The following ENOX2 variants were observed in gnomAD, a reference collection of about 807,000 sequenced individuals.
ENOX2 encodes APK1 antigen.
Under a neutral mutation model 45.0 loss-of-function variants are expected in ENOX2, and 36 were observed. That is an observed-to-expected ratio of 0.80 (90% confidence interval 0.61 to 1.06). The LOEUF is 1.06. Ranked by LOEUF, ENOX2 falls within the 50% of genes least tolerant of loss-of-function variation. The pLI, the probability that ENOX2 is intolerant of heterozygous loss-of-function variation, is 0.00. For synonymous variants in ENOX2, 174 were observed against 152.3 expected, an observed-to-expected ratio of 1.14 and a Z score of -1.05; for missense variants, 423 against 462.5, an observed-to-expected ratio of 0.91 and a Z score of 0.78.
intron 2 of ENOX2, among the ~76,000 whole-genome samples, chrX:130,821,742 T>TAAAAAAAAAAAAAAAAAAAAAAAAA: frequency 8.6e-5 from 2 of 23,185 alleles, no homozygotes; most frequent in African/African-American, 1.8e-4. Flanking sequence ...ATAAATAAAT[T>TAAAAAAAAAAAAAAAAAAAAAAAAA]AAAAAAAAAA....
chrX:130,783,222 C>G (rs2076921102), intron 3 of ENOX2, among the ~76,000 whole-genome samples: 1 of 112,203 alleles, frequency 8.9e-6, no homozygotes, highest in Admixed American at 9.4e-5. Context: ...CTTCAAGGAT[C>G]AGCTAAAAAT....
In ENOX2 at chrX:130,691,980, C is replaced by G. The variant is rs182593561; in HGVS notation, c.98-2962G>C. Among the ~76,000 whole-genome samples the G allele has an allele frequency of 1.5e-3, 165 of 113,250 alleles. 2 individuals carry two copies. Among genetic ancestry groups the G allele is most frequent in the Middle Eastern group, 0.014 (3 of 219 alleles). ...TTTTATAAATTCATTTAAAAGCAAA[C>G]GTATTCATTGCATATGGCTAAAGCC... On this transcript the variant is annotated intron_variant, in intron 4 of 14. Coordinates refer to ENST00000394363, the MANE Select transcript of ENOX2 (RefSeq NM_006375.4).
At chrX:130,849,394 T>C (rs1287254757) in intron 2 of ENOX2, among the ~76,000 whole-genome samples, 1 of 111,602 alleles carries the variant, frequency 9.0e-6, no homozygotes, top group African/African-American at 3.3e-5. Context: ...GGGGAGACTA[T>C]GAGAATAGAA....
chrX:130,741,942 T>C (rs1438583286), intron 3 of ENOX2, among the ~76,000 whole-genome samples: 1 of 112,453 alleles, frequency 8.9e-6, no homozygotes, highest in Non-Finnish European at 1.9e-5. Flanking sequence ...TCAAGTGTTT[T>C]CAAATAGCAT....
intron 3 of ENOX2, among the ~76,000 whole-genome samples, chrX:130,752,555 C>T (rs970864281): frequency 5.4e-5 from 6 of 110,612 alleles, no homozygotes; most frequent in Admixed American, 3.8e-4. Flanking sequence ...TGTCTCTCTC[C>T]GGTTCTACCT....
At chrX:130,659,354 G>C (rs1475013409) in intron 9 of ENOX2, among the ~76,000 whole-genome samples, 2 of 111,775 alleles carry the variant, frequency 1.8e-5, no homozygotes, top group Non-Finnish European at 3.8e-5. Flanking sequence ...ATCACTGATA[G>C]TTAAGAATAG....
At chrX:130,754,479 A>T (rs1385458138) in intron 3 of ENOX2, among the ~76,000 whole-genome samples, 1 of 112,007 alleles carries the variant, frequency 8.9e-6, no homozygotes, top group East Asian at 2.8e-4. Flanking sequence ...AAGACATAGA[A>T]TCAACCCAGG....
At chrX:130,684,975 A>G (rs2037408447) in intron 5 of ENOX2, among the ~76,000 whole-genome samples, 1 of 111,685 alleles carries the variant, frequency 9.0e-6, no homozygotes, top group South Asian at 3.8e-4. Context: ...AAAAAAAGAA[A>G]CATGTTTTAT....
intron 6 of ENOX2, among the ~76,000 whole-genome samples, chrX:130,678,978 G>C (rs939730661): frequency 2.7e-5 from 3 of 111,602 alleles, no homozygotes; most frequent in East Asian, 2.8e-4. Flanking sequence ...ACGTTCTGGT[G>C]GGGGAGATGG....
chrX:130,900,360 A>G (rs1242747726), intron 2 of ENOX2, among the ~76,000 whole-genome samples: 1 of 112,505 alleles, frequency 8.9e-6, no homozygotes, highest in African/African-American at 3.2e-5. Context: ...TGAACATGTA[A>G]CTAGTAAAAT....
At chrX:130,870,074 G>A (rs766479215) in intron 2 of ENOX2, among the ~76,000 whole-genome samples, 1 of 111,205 alleles carries the variant, frequency 9.0e-6, no homozygotes, top group African/African-American at 3.3e-5. Flanking sequence ...ACATCCCTTT[G>A]GCAGATAGTC....
chrX:130,879,949 T>C (rs1332042075), intron 2 of ENOX2, among the ~76,000 whole-genome samples: 1 of 111,910 alleles, frequency 8.9e-6, no homozygotes, highest in East Asian at 2.8e-4. Flanking sequence ...CTCAAAACTG[T>C]AGCTGCGATA....
chrX:130,788,899 C>T lies in ENOX2; in HGVS notation c.-182-5209G>A, dbSNP rs138391125. On this transcript the variant is annotated intron_variant, in intron 2 of 14. Transcript: ENST00000394363. ...ACAGATTTCTACTATTTCTGTATCT[C>T]ATGTTCACAATAAACAAATCCATGT... is the stretch of plus-strand genomic sequence containing the variant. Among the ~76,000 whole-genome samples the T allele has an allele frequency of 8.6e-3, 970 of 112,292 alleles. 10 individuals carry two copies. The highest frequency in any genetic ancestry group is 0.029 in the African/African-American group (910 of 30,944).
chrX:130,655,023 C>T (rs1410972011), intron 10 of ENOX2, among the ~76,000 whole-genome samples: 1 of 112,228 alleles, frequency 8.9e-6, no homozygotes, highest in East Asian at 2.8e-4. Context: ...TGACTAAATA[C>T]TGTGTACAAT....
chrX:130,868,697 A>C (rs911354954), intron 2 of ENOX2, among the ~76,000 whole-genome samples: 3 of 111,743 alleles, frequency 2.7e-5, no homozygotes, highest in Non-Finnish European at 3.8e-5. Context: ...ACCACCTATA[A>C]ACTAATAATG....
chrX:130,838,796 C>T (rs1196661958), intron 2 of ENOX2, among the ~76,000 whole-genome samples: 4 of 112,161 alleles, frequency 3.6e-5, no homozygotes, highest in Non-Finnish European at 7.5e-5. Flanking sequence ...CATATAGTCT[C>T]TTATCACTAT....
intron 5 of ENOX2, among the ~76,000 whole-genome samples, chrX:130,683,566 T>C (rs183765787): frequency 8.9e-6 from 1 of 111,912 alleles, no homozygotes; most frequent in East Asian, 2.8e-4. Flanking sequence ...GCAGATGATA[T>C]TCCATTACTT....
chrX:130,644,888 T>C (rs1284632132), intron 10 of ENOX2, among the ~76,000 whole-genome samples: 3 of 111,519 alleles, frequency 2.7e-5, no homozygotes, highest in Non-Finnish European at 3.8e-5. Flanking sequence ...TAATGTAAAC[T>C]ATAAACTTTA....
At chrX:130,851,471 CT>C (rs780960248) in intron 2 of ENOX2, among the ~76,000 whole-genome samples, 115 of 103,059 alleles carry the variant, frequency 1.1e-3, no homozygotes, top group Middle Eastern at 4.9e-3. Flanking sequence ...CTTTTTTTTC[CT>C]TTTTTTTTTA....
Sources: gnomAD v4.1 joint callset for allele counts (sites outside exome capture counted in the v4.1 genomes callset) on GRCh38, gnomAD v4.1.1 for gene constraint, MANE v1.5 for transcripts, NCBI Gene and HGNC (gene_info 2026-07-23, HGNC 2026-07-21) for gene names.